Variants in TLK2 observed in about 807,000 individuals in gnomAD.
The protein encoded by TLK2 is tousled like kinase 2.
A neutral mutation model predicts 117.3 loss-of-function variants in TLK2; 6 were observed. The observed-to-expected ratio is 0.05, with a 90% confidence interval of 0.03 to 0.10. TLK2 has a LOEUF of 0.10. Among genes scored for constraint, TLK2 ranks in the 10% least tolerant of loss-of-function variants. The pLI is 1.00. For synonymous variants in TLK2, 257 were observed against 316.7 expected (o/e 0.81, Z 2.00); for missense variants, 299 against 901.2 (o/e 0.33, Z 8.56).
At chr17:62,515,908 G>A (rs1319164098) in intron 2 of TLK2, among the ~76,000 whole-genome samples, 3 of 151,894 alleles carry the variant, frequency 2.0e-5, no homozygotes, top group Non-Finnish European at 2.9e-5. Context: ...TAAATTCAAC[G>A]CTGTAACACT....
At chr17:62,573,410 C>T (rs2080474078) in intron 12 of TLK2, 43 bp downstream of exon 12, 1 of 1,593,588 alleles carries the variant, frequency 6.3e-7, no homozygotes. Context: ...CCACACCCTG[C>T]CCCCAAATAC....
chr17:62,602,297 A>C (rs1328544479), intron 19 of TLK2, 117 bp downstream of exon 19: 54 of 1,017,708 alleles, frequency 5.3e-5, no homozygotes, highest in Non-Finnish European at 7.4e-5. Flanking sequence ...CCATAAACCA[A>C]AGCAGACTTT....
intron 1 of TLK2, among the ~76,000 whole-genome samples, chr17:62,480,135 C>A (rs2071454138): frequency 6.6e-6 from 1 of 152,252 alleles, no homozygotes; most frequent in Non-Finnish European, 1.5e-5. Flanking sequence ...GGGGTTGTTA[C>A]TGGAGATTGT....
At chr17:62,531,618 T>G (rs113631963) in intron 6 of TLK2, among the ~76,000 whole-genome samples, 8 of 152,156 alleles carry the variant, frequency 5.3e-5, no homozygotes, top group Admixed American at 6.5e-5. Flanking sequence ...AAAAATTTTT[T>G]GGGGGGTTTC....
At chr17:62,492,228 G>GTA (rs1337759004) in intron 2 of TLK2, among the ~76,000 whole-genome samples, 8 of 152,166 alleles carry the variant, frequency 5.3e-5, no homozygotes, top group African/African-American at 1.7e-4. Flanking sequence ...CCTTCATTTT[G>GTA]TATATATATA....
chr17:62,485,409 A>G (rs536929313), intron 2 of TLK2, among the ~76,000 whole-genome samples: 2 of 152,330 alleles, frequency 1.3e-5, no homozygotes, highest in South Asian at 4.1e-4. Context: ...TACTTAGACT[A>G]AAACAAAATG....
At chr17:62,605,770 C>G (rs951849037) in intron 19 of TLK2, among the ~76,000 whole-genome samples, 2 of 151,784 alleles carry the variant, frequency 1.3e-5, no homozygotes, top group Admixed American at 6.6e-5. Flanking sequence ...TTTAGGAGGT[C>G]GAGCTGGGAG....
At chr17:62,583,828 C>T (rs1030432908) in intron 15 of TLK2, among the ~76,000 whole-genome samples, 4 of 152,078 alleles carry the variant, frequency 2.6e-5, no homozygotes, top group Admixed American at 6.5e-5. Context: ...CTGCCTGCCT[C>T]GGCCTCCCAA....
At chr17:62,490,030 A>G (rs987878327) in intron 2 of TLK2, among the ~76,000 whole-genome samples, 2 of 152,150 alleles carry the variant, frequency 1.3e-5, no homozygotes, top group African/African-American at 4.8e-5. Context: ...TGGTTTCACC[A>G]TGTTGGCCAG....
rs537241978 is a variant in TLK2, at chr17:62,514,332, T to C, written c.82-6441T>C. ...CTAATTTTTGTATTTTTAGTAGATATGGGGGTTTCACCATGTTGGCCAGGC... is the reference window on the plus strand; with the variant it reads ...CTAATTTTTGTATTTTTAGTAGATACGGGGGTTTCACCATGTTGGCCAGGC... On this transcript the variant is annotated intron_variant, in intron 2 of 21. Coordinates refer to ENST00000346027, the MANE Select transcript of TLK2 (RefSeq NM_006852.6). Among the ~76,000 whole-genome samples the C allele has an allele frequency of 2.7e-5, 4 of 150,368 alleles. No homozygotes were observed. The South Asian group carries it at 6.4e-4, about 24-fold the overall frequency.
intron 17 of TLK2, among the ~76,000 whole-genome samples, chr17:62,599,532 G>A (rs997239032): frequency 2.6e-5 from 4 of 152,168 alleles, no homozygotes; most frequent in African/African-American, 9.7e-5. Flanking sequence ...AGAAATGGGA[G>A]GGGGTCTCCA....
intron 12 of TLK2, among the ~76,000 whole-genome samples, chr17:62,573,887 T>C (rs1002893164): frequency 6.6e-6 from 1 of 152,216 alleles, no homozygotes; most frequent in Non-Finnish European, 1.5e-5. Context: ...GTTCTGGGAA[T>C]CTAAGGAAAA....
At chr17:62,505,652 T>G (rs1598274112) in intron 2 of TLK2, among the ~76,000 whole-genome samples, 1 of 152,050 alleles carries the variant, frequency 6.6e-6, no homozygotes, top group South Asian at 2.1e-4. Context: ...TGTTTTCAAA[T>G]TTTTTTGAGA....
chr17:62,523,723 T>C (rs1302155953), intron 5 of TLK2, among the ~76,000 whole-genome samples: 1 of 152,202 alleles, frequency 6.6e-6, no homozygotes, highest in Non-Finnish European at 1.5e-5. Context: ...TTATGTGTCT[T>C]GTCTGTGATG....
intron 2 of TLK2, among the ~76,000 whole-genome samples, chr17:62,512,901 G>A (rs1261449622): frequency 3.2e-5 from 3 of 95,146 alleles, no homozygotes; most frequent in East Asian, 4.4e-4. Context: ...TATTAGAGAC[G>A]AAGTTTCGCT....
intron 2 of TLK2, among the ~76,000 whole-genome samples, chr17:62,485,330 GGTT>G (rs1484352978): frequency 6.6e-6 from 1 of 152,176 alleles, no homozygotes; most frequent in African/African-American, 2.4e-5. Context: ...TGAACTTTCT[GGTT>G]GTTGTAAATC....
intron 11 of TLK2, among the ~76,000 whole-genome samples, chr17:62,569,162 G>A (rs1421864091): frequency 3.3e-5 from 5 of 151,172 alleles, no homozygotes; most frequent in Admixed American, 6.6e-5. Flanking sequence ...AAAATTAGCC[G>A]GGCATGGTGG....
intron 2 of TLK2, among the ~76,000 whole-genome samples, chr17:62,505,357 A>G (rs533983350): frequency 1.3e-5 from 2 of 149,864 alleles, no homozygotes; most frequent in Non-Finnish European, 3.0e-5. Context: ...GATCCTCACA[A>G]CTCAGCCTTC....
chr17:62,599,559 G>C (rs1233286026), intron 17 of TLK2, among the ~76,000 whole-genome samples: 1 of 152,058 alleles, frequency 6.6e-6, no homozygotes, highest in East Asian at 1.9e-4. Flanking sequence ...CTCCCTCCCC[G>C]CAATTCTAGT....
Sources: allele counts gnomAD v4.1 joint callset (sites outside exome capture counted in the v4.1 genomes callset), GRCh38; gene constraint gnomAD v4.1.1; transcripts MANE v1.5; gene names NCBI Gene and HGNC (gene_info 2026-07-23, HGNC 2026-07-21).